CACNA2D3: variants seen among roughly 807,000 people sequenced by gnomAD.
CACNA2D3 encodes the protein voltage-dependent calcium channel subunit alpha-2/delta-3.
In CACNA2D3, 60 loss-of-function variants were observed where a neutral mutation model predicts 160.6. That is an observed-to-expected ratio of 0.37 (90% CI 0.30 to 0.46). The LOEUF (loss-of-function observed/expected upper bound fraction) is 0.46, where lower values mean the gene tolerates loss of function less well. CACNA2D3 is among the 20% of genes least tolerant of loss of function. The pLI is 1.00. For synonymous variants in CACNA2D3, 558 were observed against 492.9 expected (o/e 1.13, Z -1.75); for missense variants, 1,205 against 1,365.0 (o/e 0.88, Z 1.85).
intron 4 of CACNA2D3, among the ~76,000 whole-genome samples, chr3:54,446,513 C>A (rs1485834670): frequency 6.6e-6 from 1 of 152,166 alleles, no homozygotes; most frequent in East Asian, 1.9e-4. Flanking sequence ...CAGAAAAGAA[C>A]AATGGATAAT....
chr3:54,229,325 G>A (rs978525145), intron 2 of CACNA2D3, among the ~76,000 whole-genome samples: 2 of 152,104 alleles, frequency 1.3e-5, no homozygotes, highest in South Asian at 2.1e-4. Context: ...CCGAGTAGCT[G>A]GGACTACAGG....
At chr3:54,573,053 A>AT (rs963876256) in intron 8 of CACNA2D3, among the ~76,000 whole-genome samples, 1 of 151,922 alleles carries the variant, frequency 6.6e-6, no homozygotes, top group African/African-American at 2.4e-5. Flanking sequence ...AAGAAAAAAA[A>AT]TTTTTTTACC....
intron 2 of CACNA2D3, among the ~76,000 whole-genome samples, chr3:54,180,362 C>T (rs1162602254): frequency 6.6e-6 from 1 of 152,096 alleles, no homozygotes; most frequent in Admixed American, 6.6e-5. Flanking sequence ...TCACAACAGC[C>T]CGAGAAGTCA....
intron 35 of CACNA2D3, among the ~76,000 whole-genome samples, chr3:55,030,425 G>A (rs1173561628): frequency 6.6e-6 from 1 of 152,084 alleles, no homozygotes; most frequent in Non-Finnish European, 1.5e-5. Context: ...TGGGTATGGG[G>A]CCAGGTTTGA....
intron 35 of CACNA2D3, among the ~76,000 whole-genome samples, chr3:55,067,953 G>C (rs553419394): frequency 3.6e-4 from 55 of 152,148 alleles, no homozygotes; most frequent in Non-Finnish European, 7.1e-4. Flanking sequence ...GAAAGAGGAC[G>C]GAGGATCTCC....
chr3:54,393,092 C>T (rs1201140183), intron 4 of CACNA2D3, among the ~76,000 whole-genome samples: 5 of 152,156 alleles, frequency 3.3e-5, no homozygotes, highest in South Asian at 2.1e-4. Context: ...TCAGGATGGA[C>T]GCATAGAGAA....
intron 11 of CACNA2D3, among the ~76,000 whole-genome samples, chr3:54,676,710 G>A: frequency 6.6e-6 from 1 of 152,176 alleles, no homozygotes; most frequent in East Asian, 1.9e-4. Flanking sequence ...GATTAGTTGG[G>A]GAAGGTCGGA....
chr3:55,027,604 A>C (rs773411259), intron 35 of CACNA2D3, among the ~76,000 whole-genome samples: 7 of 152,196 alleles, frequency 4.6e-5, no homozygotes, highest in Non-Finnish European at 7.3e-5. Context: ...TAGTTCTCTA[A>C]GACAATTACT....
At chr3:54,343,475 G>A (rs1166397484) in intron 3 of CACNA2D3, among the ~76,000 whole-genome samples, 1 of 152,006 alleles carries the variant, frequency 6.6e-6, no homozygotes, top group Non-Finnish European at 1.5e-5. Flanking sequence ...GTAGAGATGG[G>A]ATTTCACCAT....
intron 14 of CACNA2D3, among the ~76,000 whole-genome samples, chr3:54,829,996 GCAATTCTCTGCCTCCCGGGTTCAA>G (rs1703838471): frequency 1.1e-4 from 1 of 8,976 alleles, no homozygotes; most frequent in Non-Finnish European, 2.0e-4. Flanking sequence ...CCAGGTTCAA[GCAATTCTCTGCCTCCCGGGTTCAA>G]GCAATTCTCT....
chr3:54,294,451 A>G (rs1374823175), intron 2 of CACNA2D3, among the ~76,000 whole-genome samples: 3 of 95,624 alleles, frequency 3.1e-5, no homozygotes, highest in Non-Finnish European at 7.7e-5. Context: ...CTCTCCTTTG[A>G]GTGGTTGCTC....
chr3:55,058,995 C>T (rs1333877236), intron 35 of CACNA2D3, among the ~76,000 whole-genome samples: 1 of 152,012 alleles, frequency 6.6e-6, no homozygotes, highest in Non-Finnish European at 1.5e-5. Flanking sequence ...TTACCATTAA[C>T]ATGGTACACT....
At chr3:54,923,356 C>A (rs907077633) in intron 27 of CACNA2D3, among the ~76,000 whole-genome samples, 1 of 152,112 alleles carries the variant, frequency 6.6e-6, no homozygotes, top group South Asian at 2.1e-4. Context: ...TCATCAAGCC[C>A]TTTGCGTTCA....
At chr3:54,253,872 AT>A (rs1702243520) in intron 2 of CACNA2D3, among the ~76,000 whole-genome samples, 1 of 151,960 alleles carries the variant, frequency 6.6e-6, no homozygotes, top group South Asian at 2.1e-4. Context: ...CGTTCAAGCA[AT>A]TCTCCTGCCT....
chr3:54,387,604 A>G (rs755822196), intron 4 of CACNA2D3, among the ~76,000 whole-genome samples: 1 of 152,226 alleles, frequency 6.6e-6, no homozygotes, highest in Non-Finnish European at 1.5e-5. Context: ...GTGAGCTGAG[A>G]TTGAGCCATT....
chr3:54,138,830 G>A (rs562333863), intron 2 of CACNA2D3, among the ~76,000 whole-genome samples: 12 of 152,366 alleles, frequency 7.9e-5, no homozygotes, highest in African/African-American at 2.9e-4. Flanking sequence ...ATATTTGCAT[G>A]TGTTTGTTTT....
At chr3:54,262,282 C>T (rs1702415422) in intron 2 of CACNA2D3, among the ~76,000 whole-genome samples, 1 of 152,074 alleles carries the variant, frequency 6.6e-6, no homozygotes, top group African/African-American at 2.4e-5. Flanking sequence ...TTTATTGTGT[C>T]TCCAAGGTCG....
intron 27 of CACNA2D3, among the ~76,000 whole-genome samples, chr3:54,959,799 C>A (rs1701987521): frequency 6.6e-6 from 1 of 152,104 alleles, no homozygotes. Flanking sequence ...ATTTGAAGAA[C>A]TTTGTGAGCA....
intron 17 of CACNA2D3, among the ~76,000 whole-genome samples, chr3:54,855,626 TGGAG>T (rs920905055): frequency 3.9e-5 from 6 of 152,070 alleles, no homozygotes; most frequent in African/African-American, 1.2e-4. Context: ...AAGAAAGAGA[TGGAG>T]GGAAGGAAAA....
Sources: gnomAD v4.1 joint callset for allele counts (sites outside exome capture counted in the v4.1 genomes callset) on GRCh38, gnomAD v4.1.1 for gene constraint, MANE v1.5 for transcripts, NCBI Gene and HGNC (gene_info 2026-07-23, HGNC 2026-07-21) for gene names.